Variants in MIA2 observed in about 807,000 individuals in gnomAD.
MIA2 encodes the protein melanoma inhibitory activity protein 2.
Under a neutral mutation model 167.8 loss-of-function variants are expected in MIA2, and 127 were observed. The observed-to-expected ratio is 0.76, with a 90% CI of 0.66 to 0.88. MIA2 has a LOEUF of 0.88. Ranked by LOEUF, MIA2 falls within the 40% of genes least tolerant of loss-of-function variation. MIA2 has a pLI of 0.00. For missense variants in MIA2, 1,690 were observed against 1,624.7 expected (o/e 1.04, Z -0.69); for synonymous variants, 552 against 541.9 (o/e 1.02, Z -0.26).
At chr14:39,350,009 G>A in intron 28 of MIA2, 89 bp from the exon 29 acceptor site, 2 of 544,992 alleles carry the variant, frequency 3.7e-6, no homozygotes, top group Admixed American at 3.2e-5. Flanking sequence ...AAAAGAATAG[G>A]TAATGGAAGT....
intron 2 of MIA2, 127 bp downstream of exon 2, chr14:39,237,182 G>C: frequency 9.8e-7 from 1 of 1,017,404 alleles, no homozygotes; most frequent in East Asian, 2.6e-5. Context: ...ATGCAGTGGT[G>C]TGATCACAGC....
intron 6 of MIA2, among the ~76,000 whole-genome samples, chr14:39,259,695 T>C (rs931819017): frequency 2.1e-4 from 26 of 122,242 alleles, no homozygotes; most frequent in African/African-American, 8.2e-4. Context: ...CATGCCTGGC[T>C]AGGTTTTTTT....
At chr14:39,289,009 C>T (rs940433478) in intron 9 of MIA2, among the ~76,000 whole-genome samples, 2 of 152,094 alleles carry the variant, frequency 1.3e-5, no homozygotes, top group African/African-American at 4.8e-5. Flanking sequence ...GAAATATTCC[C>T]TCCTGTTGTT....
chr14:39,299,453 G>A (rs527604113), intron 13 of MIA2, among the ~76,000 whole-genome samples: 86 of 151,828 alleles, frequency 5.7e-4, no homozygotes, highest in African/African-American at 1.9e-3. Context: ...GACTACAGGC[G>A]CGTGCCACCA....
At chr14:39,328,208 T>C (rs867734954) in intron 25 of MIA2, among the ~76,000 whole-genome samples, 2 of 152,380 alleles carry the variant, frequency 1.3e-5, no homozygotes, top group African/African-American at 4.8e-5. Context: ...TTTGCATTTC[T>C]CTAATGACCA....
At chr14:39,354,422 C>T (rs558845200), downstream of MIA2, among the ~76,000 whole-genome samples, 364 of 151,640 alleles carry the variant, frequency 2.4e-3, 1 homozygote, top group African/African-American at 8.1e-3. Flanking sequence ...GTTTTTTTCT[C>T]GTAAATTTGT....
Position 39,252,941 on chromosome 14 carries a change from T to C in MIA2, c.1761T>C (p.Ser587=). The C allele has an allele frequency of 6.2e-7, 1 of 1,609,434 alleles. No homozygotes were observed. Among genetic ancestry groups the C allele is most frequent in the Non-Finnish European group, 8.5e-7 (1 of 1,177,448 alleles). ...SQMVSTDNSL[S]SQNYISQKED... ...TGGTTTCAACTGATAACTCTTTGTC[T>C]TCTCAAAATTATATTTCTCAGAAAG... is the stretch of plus-strand genomic sequence containing the variant. The change falls in exon 5 of 29, where the codon TCT becomes TCC. Residue 587 remains serine (S), a synonymous_variant. Coordinates refer to ENST00000640607, the MANE Select transcript of MIA2 (RefSeq NM_001329214.4).
At chr14:39,317,590 A>C (rs2065716410) in intron 21 of MIA2, among the ~76,000 whole-genome samples, 1 of 152,150 alleles carries the variant, frequency 6.6e-6, no homozygotes, top group East Asian at 1.9e-4. Flanking sequence ...CAACTACACA[A>C]AAAGGATGTT....
rs2062843879 is a variant in MIA2 at position 39,303,474 on chromosome 14, G to A, written c.2741-4G>A. The A allele has an allele frequency of 6.2e-7, 1 of 1,607,698 alleles. No homozygotes were observed. Among genetic ancestry groups the A allele is most frequent in the South Asian group, 1.1e-5 (1 of 90,676 alleles). Reference sequence around the variant, plus strand: ...CATTGTTGTGCTTTTGATTTTCACTGTAGATAATCCTCCAAAAGGAGCTTT... The same window carrying A: ...CATTGTTGTGCTTTTGATTTTCACTATAGATAATCCTCCAAAAGGAGCTTT... On this transcript the variant is annotated splice_region_variant and splice_polypyrimidine_tract_variant and intron_variant, in intron 15 of 28. Coordinates refer to ENST00000640607, the MANE Select transcript of MIA2 (RefSeq NM_001329214.4).
At chr14:39,238,856 CCGAAGCTTTAGTA>C (rs2152606612) in intron 2 of MIA2, among the ~76,000 whole-genome samples, 1 of 148,598 alleles carries the variant, frequency 6.7e-6, no homozygotes. Context: ...TTTATTTGGC[CCGAAGCTTTAGTA>C]TGCTGAAATT....
intron 17 of MIA2, among the ~76,000 whole-genome samples, chr14:39,304,741 A>G (rs1285183410): frequency 2.0e-5 from 3 of 152,208 alleles, no homozygotes; most frequent in Admixed American, 1.3e-4. Context: ...TTGATCTTCA[A>G]TAGTGGTACT....
At chr14:39,263,316 A>T (rs1299991784) in intron 6 of MIA2, among the ~76,000 whole-genome samples, 1 of 150,686 alleles carries the variant, frequency 6.6e-6, no homozygotes, top group Non-Finnish European at 1.5e-5. Context: ...GATGGATTAC[A>T]TTTATTGATT....
intron 6 of MIA2, chr14:39,265,409 T>C: frequency 1.2e-6 from 2 of 1,611,278 alleles, no homozygotes; most frequent in South Asian, 1.1e-5. Context: ...AATTGAAAAG[T>C]CCAGAGGAAG....
chr14:39,299,455 G>A (rs4902469), intron 13 of MIA2, among the ~76,000 whole-genome samples: 52,860 of 151,542 alleles, frequency 0.35, 10,764 homozygotes, highest in Non-Finnish European at 0.46. Context: ...CTACAGGCGC[G>A]TGCCACCATG....
chr14:39,383,433 A>G (rs554866347), intron 23 of MIA2, among the ~76,000 whole-genome samples: 15 of 152,314 alleles, frequency 9.8e-5, no homozygotes, highest in South Asian at 8.3e-4. Flanking sequence ...TGTTCTGACT[A>G]CTTTCCCCAT....
Position 39,347,758 on chromosome 14 carries a change from A to G in MIA2, c.3824A>G (p.Lys1275Arg), listed in dbSNP as rs1434864022. Residue 1275 changes from lysine (K) to arginine (R), a missense_variant, in exon 27 of 29, where the codon AAA becomes AGA. Transcript: ENST00000640607. The stretch of plus-strand genomic sequence containing the variant: ...ATGGAATCCAGTAGAAATGATACCA[A>G]AGATGATCTTGGTGTAAGTATTGAA... ...SEMESSRNDT[K>R]DDLGNLNVPD... 2 of 1,612,824 alleles carry G rather than the reference A, an allele frequency of 1.2e-6. No homozygotes were observed. The highest frequency in any genetic ancestry group is 1.7e-6 in the Non-Finnish European group (2 of 1,179,608).
At chr14:39,299,806 G>T (rs1490536247) in intron 13 of MIA2, 58 bp from the exon 14 acceptor site, 15 of 1,537,206 alleles carry the variant, frequency 9.8e-6, no homozygotes, top group African/African-American at 1.4e-5. Context: ...TGCCTTCTTG[G>T]TATCTTTTAA....
At chr14:39,306,827 C>T (rs2063412133) in intron 17 of MIA2, among the ~76,000 whole-genome samples, 1 of 151,964 alleles carries the variant, frequency 6.6e-6, no homozygotes, top group South Asian at 2.1e-4. Flanking sequence ...TATCTTGATA[C>T]CTTAATGTTA....
At chr14:39,346,131 A>G (rs1333719234) in intron 26 of MIA2, 105 bp downstream of exon 26, 2 of 889,136 alleles carry the variant, frequency 2.2e-6, no homozygotes, top group Admixed American at 4.5e-5. Context: ...AGTAGTTCCT[A>G]AGGCCAAAAT....
Sources: allele counts gnomAD v4.1 joint callset (sites outside exome capture counted in the v4.1 genomes callset), GRCh38; gene constraint gnomAD v4.1.1; transcripts MANE v1.5; gene names NCBI Gene and HGNC (gene_info 2026-07-23, HGNC 2026-07-21).